Variants in DENND11 observed in about 807,000 individuals in gnomAD.
DENND11 encodes DENN domain containing 11, also known as DENN domain-containing protein 11.
DENND11 carries 34 observed loss-of-function variants against 49.2 expected under a neutral mutation model. The observed-to-expected ratio is 0.69, with a 90% CI of 0.53 to 0.92. The LOEUF is 0.92. Ranked by LOEUF, DENND11 falls within the 40% of genes least tolerant of loss-of-function variation. DENND11 has a pLI of 0.00. For missense variants in DENND11, 475 were observed against 581.6 expected, an observed-to-expected ratio of 0.82 and a Z score of 1.88; for synonymous variants, 238 against 230.3, an observed-to-expected ratio of 1.03 and a Z score of -0.30.
At chr7:141,671,424 G>A (rs984553230) in intron 4 of DENND11, among the ~76,000 whole-genome samples, 20 of 152,194 alleles carry the variant, frequency 1.3e-4, no homozygotes, top group African/African-American at 4.1e-4. Context: ...TGATCTGCCC[G>A]CCTTGGCCTC....
At chr7:141,664,593 G>A (rs1797857816) in intron 7 of DENND11, among the ~76,000 whole-genome samples, 1 of 152,166 alleles carries the variant, frequency 6.6e-6, no homozygotes, top group African/African-American at 2.4e-5. Flanking sequence ...CTTCTAAGCC[G>A]CACACACAGG....
chr7:141,694,161 A>T (rs1345325836), intron 1 of DENND11, among the ~76,000 whole-genome samples: 2 of 152,214 alleles, frequency 1.3e-5, no homozygotes, highest in South Asian at 4.1e-4. Context: ...TTAATTATTT[A>T]AAAAAACCTA....
At chr7:141,666,573 G>A (rs1337382375) in intron 4 of DENND11, 148 bp from the exon 5 acceptor site, 1 of 772,144 alleles carries the variant, frequency 1.3e-6, no homozygotes, top group Non-Finnish European at 1.9e-6. Flanking sequence ...ACACAATGAT[G>A]TTTTTCACTT....
At chr7:141,665,978 C>T (rs1052706826) in intron 5 of DENND11, among the ~76,000 whole-genome samples, 12 of 151,492 alleles carry the variant, frequency 7.9e-5, no homozygotes, top group African/African-American at 2.9e-4. Flanking sequence ...TCCACTGCAA[C>T]CTCACACACA....
At chr7:141,675,193 G>C (rs1376270058) in intron 3 of DENND11, among the ~76,000 whole-genome samples, 3 of 152,116 alleles carry the variant, frequency 2.0e-5, no homozygotes, top group Non-Finnish European at 4.4e-5. Context: ...TGAACGTGAC[G>C]ACAGAGACTG....
In DENND11 at chr7:141,664,277, A is replaced by G. The variant is rs932776342; in HGVS notation, c.1104-37T>C. On this transcript the variant is annotated intron_variant, in intron 7 of 8. Transcript: ENST00000536163. ...ATCACCGTGAGACTCTGGTGCAGGT[A>G]CCAGGACCGCAGTCACAGGTGAGGC... 10 of 1,528,796 alleles carry G rather than the reference A, an allele frequency of 6.5e-6. No homozygotes were observed. In the East Asian group the frequency reaches 1.9e-4, roughly 29 times the overall value. 94.7% of individuals were successfully genotyped at this position (1,528,796 alleles called of 1,614,324 possible).
At chr7:141,669,834 C>T (rs1321970666) in intron 4 of DENND11, among the ~76,000 whole-genome samples, 12 of 92,274 alleles carry the variant, frequency 1.3e-4, no homozygotes, top group Non-Finnish European at 2.5e-4. Context: ...TTTTTTGAGA[C>T]GGAGTCTCGC....
intron 3 of DENND11, among the ~76,000 whole-genome samples, chr7:141,677,487 ATGTGTG>A (rs777782993): frequency 7.3e-6 from 1 of 137,744 alleles, no homozygotes; most frequent in Non-Finnish European, 1.5e-5. Context: ...ATATATTTAT[ATGTGTG>A]TGTGTGTGTG....
chr7:141,667,133 C>G (rs951963885), intron 4 of DENND11, among the ~76,000 whole-genome samples: 1 of 152,230 alleles, frequency 6.6e-6, no homozygotes, highest in African/African-American at 2.4e-5. Flanking sequence ...GTTGGCCAGG[C>G]TGGCTTTGAA....
chr7:141,701,460 G>C (rs945853940), intron 1 of DENND11: 1 of 144,686 alleles, frequency 6.9e-6, no homozygotes, highest in African/African-American at 2.6e-5. Context: ...GGCGAGCGGG[G>C]AGCTCAGGGC....
At chr7:141,700,212 C>G (rs1798485402) in intron 1 of DENND11, among the ~76,000 whole-genome samples, 1 of 152,146 alleles carries the variant, frequency 6.6e-6, no homozygotes, top group South Asian at 2.1e-4. Flanking sequence ...TCTAGTTACT[C>G]TGAAATATTT....
rs1357620261 is a variant in DENND11, at chr7:141,658,225, TTA to T, written c.*4429_*4430del. ...CAATAAAAAAATAAACTTCCATTTC[TTA>T]TAAGAAAAACATTAACTTAATTCAC... On this transcript the variant is annotated 3_prime_UTR_variant, in exon 9 of 9. Coordinates refer to ENST00000536163, the MANE Select transcript of DENND11 (RefSeq NM_001080392.2). The T allele has an allele frequency of 2.6e-5, 4 of 152,234 alleles. No homozygotes were observed. The allele number at this position is 152,234 out of a possible 1,614,324, so 9.4% of individuals were successfully genotyped here. A position where few individuals can be genotyped will look rare whatever the true frequency, so the allele number is the denominator to read the frequency against.
At position 141,657,001 on chromosome 7, in the gene DENND11, G is replaced by A. The variant is rs756742648; in HGVS notation, c.*5655C>T. The A allele has an allele frequency of 3.3e-5, 5 of 152,588 alleles. No homozygotes were observed. Among genetic ancestry groups the A allele is most frequent in the African/African-American group, 4.8e-5 (2 of 41,410 alleles). 9.5% of individuals were successfully genotyped at this position (152,588 alleles called of 1,614,324 possible). ...GTATTCAGGGCAAAATCTATGCAGT[G>A]TCTTACTAATTTCATACTATGAGGT... On this transcript the variant is annotated 3_prime_UTR_variant, in exon 9 of 9. Coordinates refer to ENST00000536163, the MANE Select transcript of DENND11 (RefSeq NM_001080392.2).
chr7:141,664,635 CAGCTAAGGT>C (rs1330431475), intron 7 of DENND11, among the ~76,000 whole-genome samples: 3 of 152,234 alleles, frequency 2.0e-5, no homozygotes, highest in African/African-American at 4.8e-5. Flanking sequence ...GAGCAGCTGG[CAGCTAAGGT>C]AATTTCCACA....
intron 7 of DENND11, 34 bp downstream of exon 7, chr7:141,664,870 T>A: frequency 6.3e-7 from 1 of 1,589,090 alleles, no homozygotes; most frequent in Non-Finnish European, 8.6e-7. Flanking sequence ...CTGAGGAGGG[T>A]GGAGCCCCTG....
intron 1 of DENND11, among the ~76,000 whole-genome samples, chr7:141,690,263 T>C (rs994243937): frequency 2.0e-5 from 3 of 152,200 alleles, no homozygotes; most frequent in African/African-American, 4.8e-5. Flanking sequence ...GCCAGGTGTA[T>C]GTTTAGTTCC....
intron 4 of DENND11, among the ~76,000 whole-genome samples, chr7:141,668,470 C>T (rs1797928345): frequency 6.6e-6 from 1 of 152,196 alleles, no homozygotes; most frequent in South Asian, 2.1e-4. Context: ...CCTGTAATCC[C>T]AGCTACTTGG....
At chr7:141,689,751 C>T (rs2117076980) in intron 1 of DENND11, among the ~76,000 whole-genome samples, 1 of 152,304 alleles carries the variant, frequency 6.6e-6, no homozygotes, top group Middle Eastern at 3.4e-3. Context: ...GTCATTAACC[C>T]TCTCTCATGA....
intron 4 of DENND11, among the ~76,000 whole-genome samples, chr7:141,672,892 C>A (rs1177638247): frequency 6.6e-6 from 1 of 152,192 alleles, no homozygotes; most frequent in Non-Finnish European, 1.5e-5. Flanking sequence ...CCTACATGGT[C>A]TCTTTACCCG....
Sources: gnomAD v4.1 joint callset for allele counts (sites outside exome capture counted in the v4.1 genomes callset) on GRCh38, gnomAD v4.1.1 for gene constraint, MANE v1.5 for transcripts, NCBI Gene and HGNC (gene_info 2026-07-23, HGNC 2026-07-21) for gene names.